The following SMARCC1 variants were observed in gnomAD, a reference collection of about 807,000 sequenced individuals.
SMARCC1 encodes SWI/SNF complex subunit SMARCC1.
A neutral mutation model predicts 147.4 loss-of-function variants in SMARCC1; 43 were observed. The ratio of observed to expected loss-of-function variants is 0.29; its 90% CI spans 0.23 to 0.38. SMARCC1 has a LOEUF of 0.38. Among genes scored for constraint, SMARCC1 ranks in the 10% least tolerant of loss-of-function variants. The probability of loss-of-function intolerance (pLI) is 1.00; values close to 1 mark genes in which losing one functional copy is unlikely to be tolerated. For missense variants in SMARCC1, 1,119 were observed against 1,381.1 expected (o/e 0.81, Z 3.01); for synonymous variants, 495 against 484.4 (o/e 1.02, Z -0.29).
chr3:47,720,529 T>C, intron 7 of SMARCC1, 137 bp downstream of exon 7: 1 of 661,322 alleles, frequency 1.5e-6, no homozygotes. Context: ...AAACAGTCAA[T>C]AAAAGACTCC....
intron 4 of SMARCC1, 130 bp downstream of exon 4, chr3:47,737,899 T>A (rs2034463352): frequency 2.3e-6 from 1 of 439,720 alleles, no homozygotes; most frequent in Admixed American, 4.3e-5. Flanking sequence ...CCTGACCTCG[T>A]GATCCGCCTT....
intron 16 of SMARCC1, among the ~76,000 whole-genome samples, chr3:47,677,562 T>C (rs958165313): frequency 3.9e-5 from 6 of 152,026 alleles, no homozygotes; most frequent in South Asian, 2.1e-4. Flanking sequence ...TTTTGTGTTT[T>C]TTTTTTTGAG....
intron 18 of SMARCC1, among the ~76,000 whole-genome samples, chr3:47,671,196 A>AAAACAAC (rs753672169): frequency 1.2e-5 from 1 of 81,144 alleles, no homozygotes; most frequent in African/African-American, 4.0e-5. Flanking sequence ...AAAAAAAAAA[A>AAAACAAC]AACACACACA....
chr3:47,635,038 T>G (rs1244288047), intron 24 of SMARCC1, 152 bp downstream of exon 24: 5 of 661,750 alleles, frequency 7.6e-6, no homozygotes, highest in Non-Finnish European at 5.2e-6. Context: ...ACCCTCCTCC[T>G]GCCTGTGGAT....
At chr3:47,670,591 A>T (rs2033481693) in intron 19 of SMARCC1, 67 bp downstream of exon 19, 2 of 1,069,760 alleles carry the variant, frequency 1.9e-6, no homozygotes, top group Non-Finnish European at 2.9e-6. Flanking sequence ...CTCTAAATAA[A>T]ACAAAACAAA....
At chr3:47,737,986 T>C in intron 4 of SMARCC1, 43 bp downstream of exon 4, 1 of 1,424,612 alleles carries the variant, frequency 7.0e-7, no homozygotes, top group Non-Finnish European at 9.7e-7. Context: ...ACTGAAAATA[T>C]ATTAAAGGTA....
intron 1 of SMARCC1, 123 bp from the exon 2 acceptor site, chr3:47,773,059 T>C (rs2034933796): frequency 1.3e-6 from 1 of 773,480 alleles, no homozygotes; most frequent in Admixed American, 2.6e-5. Flanking sequence ...TGAGACACGC[T>C]CTGTGCTATA....
At chr3:47,769,210 C>CAAA (rs1553692338) in intron 2 of SMARCC1, among the ~76,000 whole-genome samples, 2 of 33,062 alleles carry the variant, frequency 6.0e-5, no homozygotes, top group East Asian at 1.1e-3. Flanking sequence ...GACTCCGTCT[C>CAAA]AAAAAAAAAA....
chr3:47,722,158 T>G (rs2034240348), intron 6 of SMARCC1, among the ~76,000 whole-genome samples: 1 of 152,042 alleles, frequency 6.6e-6, no homozygotes, highest in South Asian at 2.1e-4. Context: ...TCCTGTTAAG[T>G]GTGTCTTGGT....
chr3:47,753,076 C>T (rs1454723804), intron 2 of SMARCC1, among the ~76,000 whole-genome samples: 3 of 152,128 alleles, frequency 2.0e-5, no homozygotes, highest in Non-Finnish European at 2.9e-5. Flanking sequence ...CCGGGCACTA[C>T]GGCTCACGCC....
Position 47,671,196 on chromosome 3 carries a change from A to AAAAAAAAAAAAAAAAAAAAAAAAC in SMARCC1, c.1840-480_1840-479insGTTTTTTTTTTTTTTTTTTTTTTT, listed in dbSNP as rs753672169. 4.6e-4 allele frequency among the ~76,000 whole-genome samples: 37 copies of AAAAAAAAAAAAAAAAAAAAAAAAC among 81,202 alleles called. 2 individuals carry two copies. Among genetic ancestry groups the AAAAAAAAAAAAAAAAAAAAAAAAC allele is most frequent in the East Asian group, 1.5e-3 (3 of 2,068 alleles). 53.3% of individuals were successfully genotyped at this position (81,202 alleles called of 152,430 possible). Reference sequence around the variant, plus strand: ...CTCAAAAAAAAAAAAAAAAAAAAAAAAACACACACAAAAACCAAAACCAAA... The same window carrying AAAAAAAAAAAAAAAAAAAAAAAAC: ...CTCAAAAAAAAAAAAAAAAAAAAAAAAAAAAAAAAAAAAAAAAAAAAAACAACACACACAAAAACCAAAACCAAA... On this transcript the variant is annotated intron_variant, in intron 18 of 27. Transcript: ENST00000254480.
At position 47,740,954 on chromosome 3, in the gene SMARCC1, A is replaced by G. The variant is rs77721328; in HGVS notation, c.402-2844T>C. On this transcript the variant is annotated intron_variant, in intron 3 of 27. Coordinates refer to ENST00000254480, the MANE Select transcript of SMARCC1 (RefSeq NM_003074.4). ...AAATGACTCTAGGCAGTGAACATCA[A>G]TGTCTGCCCACTACACACATAAACA... is the stretch of plus-strand genomic sequence containing the variant. Among the ~76,000 whole-genome samples the G allele has an allele frequency of 2.0e-3, 311 of 152,264 alleles. 1 individual carries two copies. The highest frequency in any genetic ancestry group is 7.0e-3 in the African/African-American group (293 of 41,562).
At chr3:47,646,355 T>C (rs1446219699) in intron 21 of SMARCC1, among the ~76,000 whole-genome samples, 1 of 152,200 alleles carries the variant, frequency 6.6e-6, no homozygotes, top group Non-Finnish European at 1.5e-5. Context: ...GTATCTCATG[T>C]CATTTTGTTA....
chr3:47,760,840 T>C (rs1359221950), intron 2 of SMARCC1, among the ~76,000 whole-genome samples: 1 of 151,550 alleles, frequency 6.6e-6, no homozygotes. Flanking sequence ...AAATTAAAAA[T>C]TAAAAAATTT....
At position 47,781,699 on chromosome 3, in the gene SMARCC1, C is replaced by A; in HGVS notation, c.99G>T (p.Arg33=). Residue 33 remains arginine, a synonymous_variant, in exon 1 of 28, where the codon CGG becomes CGT. Transcript: ENST00000254480. ...ACTTGGTGGCCGGGCCCCCATCCTT[C>A]CGTCGATAAACAGCTAGGCCTGCGG... is the stretch of plus-strand genomic sequence containing the variant. The part of the protein sequence containing the change: ...AAAAGLAVYR[R]KDGGPATKFW... The A allele has an allele frequency of 6.4e-7, 1 of 1,563,284 alleles. No individual in the cohort carries two copies. The highest frequency in any genetic ancestry group is 8.6e-7 in the Non-Finnish European group (1 of 1,158,598).
At chr3:47,652,961 T>G (rs2033209921) in intron 21 of SMARCC1, among the ~76,000 whole-genome samples, 1 of 149,728 alleles carries the variant, frequency 6.7e-6, no homozygotes, top group Non-Finnish European at 1.5e-5. Flanking sequence ...TTTTTTTTTT[T>G]TTTTTTGAGA....
intron 21 of SMARCC1, among the ~76,000 whole-genome samples, chr3:47,656,293 C>CT (rs1484793096): frequency 6.6e-6 from 1 of 152,186 alleles, no homozygotes; most frequent in African/African-American, 2.4e-5. Flanking sequence ...TTTCACTCCT[C>CT]TTTAAGACTG....
At chr3:47,672,928 G>A (rs377572378) in intron 18 of SMARCC1, among the ~76,000 whole-genome samples, 3 of 151,920 alleles carry the variant, frequency 2.0e-5, no homozygotes, top group East Asian at 1.9e-4. Context: ...ACAGGCAGCC[G>A]CCACCATGTC....
intron 27 of SMARCC1, among the ~76,000 whole-genome samples, chr3:47,590,182 C>T (rs553208132): frequency 6.6e-6 from 1 of 152,348 alleles, no homozygotes; most frequent in East Asian, 1.9e-4. Context: ...CCCCTGAATA[C>T]TACTTTCTTA....
Sources: allele counts gnomAD v4.1 joint callset (sites outside exome capture counted in the v4.1 genomes callset), GRCh38; gene constraint gnomAD v4.1.1; transcripts MANE v1.5; gene names NCBI Gene and HGNC (gene_info 2026-07-23, HGNC 2026-07-21).